Variants in KIF5C observed in about 807,000 individuals in gnomAD.
The protein encoded by KIF5C is kinesin family member 5C.
KIF5C carries 18 observed loss-of-function variants against 125.2 expected under a neutral mutation model. That is an observed-to-expected ratio of 0.14 (90% CI 0.10 to 0.21). KIF5C has a LOEUF of 0.21. Among genes scored for constraint, KIF5C ranks in the 10% least tolerant of loss-of-function variants. The pLI, the probability that KIF5C is intolerant of heterozygous loss-of-function variation, is 1.00. For missense variants in KIF5C, 780 were observed against 1,183.8 expected, an observed-to-expected ratio of 0.66 and a Z score of 5.01; for synonymous variants, 405 against 434.0, an observed-to-expected ratio of 0.93 and a Z score of 0.83.
At chr2:148,980,407 G>C (rs1024970561) in intron 13 of KIF5C, among the ~76,000 whole-genome samples, 1 of 152,092 alleles carries the variant, frequency 6.6e-6, no homozygotes, top group Non-Finnish European at 1.5e-5. Context: ...GGCAGTATCT[G>C]TTCAATATAG....
intron 16 of KIF5C, among the ~76,000 whole-genome samples, chr2:148,992,688 C>A (rs73009554): frequency 0.036 from 5,522 of 152,266 alleles, 305 homozygotes; most frequent in African/African-American, 0.12. Flanking sequence ...ATTCCTGCAG[C>A]TAAGACCAGG....
intron 2 of KIF5C, among the ~76,000 whole-genome samples, chr2:148,925,517 A>T (rs1681955153): frequency 6.6e-6 from 1 of 152,194 alleles, no homozygotes; most frequent in Admixed American, 6.5e-5. Flanking sequence ...TATTTTCCTC[A>T]TTGTACAGAA....
Position 148,946,197 on chromosome 2 carries a change from T to A in KIF5C, c.590-702T>A, listed in dbSNP as rs184319044. On this transcript the variant is annotated intron_variant, in intron 7 of 25. Transcript: ENST00000435030. ...TTAATTATTAGTTCTAACAGTTTTT[T>A]AAAAATGAATCTTTAGGGCTTTTTA... Among the ~76,000 whole-genome samples, 103 of 152,350 alleles carry A rather than the reference T, an allele frequency of 6.8e-4. 1 individual carries two copies. Among genetic ancestry groups the A allele is most frequent in the African/African-American group, 2.4e-3 (99 of 41,576 alleles).
chr2:148,976,245 T>TTTTTTTTTTTTA (rs1553468292), intron 12 of KIF5C, among the ~76,000 whole-genome samples: 5 of 143,876 alleles, frequency 3.5e-5, no homozygotes, highest in Admixed American at 1.4e-4. Flanking sequence ...TATTATTTTG[T>TTTTTTTTTTTTA]TTTATTTATT....
intron 21 of KIF5C, among the ~76,000 whole-genome samples, chr2:149,002,781 A>C (rs1681893118): frequency 6.6e-6 from 1 of 152,104 alleles, no homozygotes; most frequent in Non-Finnish European, 1.5e-5. Context: ...TCACAGGCAC[A>C]CTCATTTCCA....
Position 149,007,985 on chromosome 2 carries a change from A to T in KIF5C, c.2468A>T (p.Asp823Val). Reference sequence around the variant, plus strand: ...CAGAGTGTGGAGTTGGACAACGATGATGGAGGGGGCAGTGCTGCCCAGAAG... The same window carrying T: ...CAGAGTGTGGAGTTGGACAACGATGTTGGAGGGGGCAGTGCTGCCCAGAAG... ...VKKSVELDND[D>V]GGGSAAQKQK... Residue 823 changes from aspartate (D) to valine (V), a missense_variant, in exon 23 of 26, where the codon GAT becomes GTT. Asp to Val is a radical substitution (Grantham distance 152). Transcript: ENST00000435030. The T allele has an allele frequency of 1.2e-6, 2 of 1,608,910 alleles. No individual in the cohort carries two copies. The highest frequency in any genetic ancestry group is 1.7e-6 in the Non-Finnish European group (2 of 1,176,354).
Position 149,008,002 on chromosome 2 carries a change from G to A in KIF5C, c.2485G>A (p.Ala829Thr), listed in dbSNP as rs888387183. ...CAACGATGATGGAGGGGGCAGTGCT[G>A]CCCAGAAGCAGAAAATTTCCTTCTT... ...LDNDDGGGSA[A>T]QKQKISFLEN... The change falls in exon 23 of 26, where the codon GCC becomes ACC. Residue 829 changes from alanine to threonine, a missense_variant. Ala to Thr is a moderately conservative substitution (Grantham distance 58). Around this residue, in one of 2 missense-constraint regions of KIF5C, gnomAD observed 573 missense variants for 742.6 expected, o/e 0.77. Coordinates refer to ENST00000435030, the MANE Select transcript of KIF5C (RefSeq NM_004522.3). 1 of 1,611,890 alleles carries A rather than the reference G, an allele frequency of 6.2e-7. No homozygotes were observed. Among genetic ancestry groups the A allele is most frequent in the African/African-American group, 1.3e-5 (1 of 75,038 alleles).
At chr2:148,957,609 A>AC (rs1682827606) in intron 10 of KIF5C, among the ~76,000 whole-genome samples, 5 of 151,058 alleles carry the variant, frequency 3.3e-5, no homozygotes, top group South Asian at 4.2e-4. Flanking sequence ...AAAAAAAAAA[A>AC]AAAAAAAACA....
At chr2:149,005,660 C>G (rs1187452217) in intron 22 of KIF5C, among the ~76,000 whole-genome samples, 196 bp downstream of exon 22, 3 of 152,272 alleles carry the variant, frequency 2.0e-5, no homozygotes, top group Admixed American at 1.3e-4. Flanking sequence ...TCTGATTTTT[C>G]CTTCTTGGTA....
At chr2:148,920,806 T>G (rs1681753892) in intron 1 of KIF5C, among the ~76,000 whole-genome samples, 2 of 152,204 alleles carry the variant, frequency 1.3e-5, no homozygotes, top group Admixed American at 1.3e-4. Context: ...TCATGAGCAA[T>G]TATCTTTTCG....
At chr2:149,018,103 A>C (rs1682423150) in intron 25 of KIF5C, among the ~76,000 whole-genome samples, 1 of 152,116 alleles carries the variant, frequency 6.6e-6, no homozygotes, top group Non-Finnish European at 1.5e-5. Flanking sequence ...AGCCTGGACA[A>C]CTTAGCAAGA....
chr2:148,907,341 A>G (rs779100884), intron 1 of KIF5C, among the ~76,000 whole-genome samples: 9 of 152,186 alleles, frequency 5.9e-5, no homozygotes, highest in East Asian at 1.9e-4. Context: ...AGTTACTTCA[A>G]CTCTCCATTG....
chr2:149,003,033 A>G (rs928006957), intron 21 of KIF5C, among the ~76,000 whole-genome samples: 2 of 151,950 alleles, frequency 1.3e-5, no homozygotes, highest in Middle Eastern at 6.8e-3. Context: ...CAGCCCATGC[A>G]CGCGGACAGA....
At chr2:148,919,098 A>G (rs572451610) in intron 1 of KIF5C, among the ~76,000 whole-genome samples, 1 of 152,310 alleles carries the variant, frequency 6.6e-6, no homozygotes, top group Non-Finnish European at 1.5e-5. Flanking sequence ...GTTAAATTTG[A>G]GATGGCTCAT....
chr2:148,879,520 A>G (rs1451214461), intron 1 of KIF5C: 1 of 145,972 alleles, frequency 6.9e-6, no homozygotes. Context: ...TAGAAGAGCT[A>G]AAGATGCTGA....
intron 10 of KIF5C, among the ~76,000 whole-genome samples, chr2:148,952,872 C>T (rs1187159152): frequency 6.6e-6 from 1 of 152,178 alleles, no homozygotes; most frequent in East Asian, 1.9e-4. Context: ...CTTAAATAAT[C>T]TCACAGTATT....
chr2:149,003,838 A>G (rs1681924567), intron 21 of KIF5C, among the ~76,000 whole-genome samples: 2 of 152,344 alleles, frequency 1.3e-5, no homozygotes, highest in South Asian at 4.1e-4. Flanking sequence ...TGGACAAAGA[A>G]CTGTTCTCAT....
intron 21 of KIF5C, among the ~76,000 whole-genome samples, chr2:149,004,565 A>C (rs1043347820): frequency 6.6e-6 from 1 of 152,232 alleles, no homozygotes; most frequent in Non-Finnish European, 1.5e-5. Flanking sequence ...TCCAAAATGA[A>C]GGGAAAAAAT....
At chr2:148,942,829 G>C in intron 7 of KIF5C, 69 bp downstream of exon 7, 1 of 1,560,534 alleles carries the variant, frequency 6.4e-7, no homozygotes, top group South Asian at 1.2e-5. Context: ...AACCGAGGGG[G>C]GTGGGGAATT....
Sources: gnomAD v4.1 joint callset for allele counts (sites outside exome capture counted in the v4.1 genomes callset) on GRCh38, gnomAD v4.1.1 for gene constraint, gnomAD v4.1.1 regional missense constraint, MANE v1.5 for transcripts, NCBI Gene and HGNC (gene_info 2026-07-23, HGNC 2026-07-21) for gene names.